The following COL4A2 variants were observed in gnomAD, a reference collection of about 807,000 sequenced individuals.
COL4A2 encodes collagen type IV alpha 2 chain, also known as collagen alpha-2(IV) chain.
In COL4A2, 99 loss-of-function variants were observed where a neutral mutation model predicts 200.2. The observed-to-expected ratio is 0.49, with a 90% CI of 0.42 to 0.58. The LOEUF (loss-of-function observed/expected upper bound fraction) is 0.58. COL4A2 is among the 20% of genes least tolerant of loss of function. The pLI is 0.00. For missense variants in COL4A2, 1,950 were observed against 2,314.1 expected, an observed-to-expected ratio of 0.84 and a Z score of 3.23; for synonymous variants, 897 against 900.6, an observed-to-expected ratio of 1.00 and a Z score of 0.07.
intron 34 of COL4A2, 79 bp from the exon 35 acceptor site, chr13:110,489,360 CTGGATA>C: frequency 7.6e-7 from 1 of 1,314,984 alleles, no homozygotes; most frequent in Non-Finnish European, 1.1e-6. Flanking sequence ...CGTTAGCATA[CTGGATA>C]GTTAAATAAG....
chr13:110,468,471 G>A (rs929907101), intron 27 of COL4A2: 5 of 376,268 alleles, frequency 1.3e-5, no homozygotes, highest in African/African-American at 6.3e-5. Flanking sequence ...GCCGGTCTCC[G>A]GGAAAGCTCC....
intron 4 of COL4A2, among the ~76,000 whole-genome samples, chr13:110,365,810 T>TA (rs1176459831): frequency 2.0e-5 from 3 of 152,224 alleles, no homozygotes; most frequent in African/African-American, 7.2e-5. Context: ...TGAAGGAATG[T>TA]AAAACTCCAT....
intron 3 of COL4A2, among the ~76,000 whole-genome samples, chr13:110,325,271 G>A (rs1360193841): frequency 2.0e-5 from 3 of 152,148 alleles, no homozygotes; most frequent in African/African-American, 7.2e-5. Flanking sequence ...GAGTTTACCC[G>A]AAGATTTTTT....
intron 4 of COL4A2, among the ~76,000 whole-genome samples, chr13:110,370,391 G>A (rs1877950991): frequency 6.6e-6 from 1 of 152,056 alleles, no homozygotes; most frequent in Non-Finnish European, 1.5e-5. Flanking sequence ...AGCCTCCCGA[G>A]TAGCTGGGAG....
At chr13:110,355,066 TGTGG>T (rs1566489378) in intron 3 of COL4A2, among the ~76,000 whole-genome samples, 1 of 152,236 alleles carries the variant, frequency 6.6e-6, no homozygotes, top group Non-Finnish European at 1.5e-5. Flanking sequence ...GTGAAAAGGC[TGTGG>T]TAAAATACAA....
chr13:110,314,743 C>T (rs1885087630), intron 3 of COL4A2, among the ~76,000 whole-genome samples: 1 of 152,178 alleles, frequency 6.6e-6, no homozygotes, highest in Admixed American at 6.5e-5. Flanking sequence ...ACGCGCTCAC[C>T]CCTAGGAACG....
intron 3 of COL4A2, among the ~76,000 whole-genome samples, chr13:110,329,678 AC>A (rs1480341879): frequency 5.3e-5 from 8 of 152,164 alleles, no homozygotes; most frequent in African/African-American, 1.9e-4. Flanking sequence ...TGGTGCTGGA[AC>A]CCTGACTTTC....
chr13:110,360,696 A>C (rs1487577645), intron 4 of COL4A2, among the ~76,000 whole-genome samples: 2 of 152,190 alleles, frequency 1.3e-5, no homozygotes, highest in African/African-American at 4.8e-5. Flanking sequence ...GCTGTCCTCT[A>C]GTTATCCAGA....
intron 4 of COL4A2, among the ~76,000 whole-genome samples, chr13:110,366,928 G>A (rs556894044): frequency 2.6e-4 from 39 of 152,324 alleles, no homozygotes; most frequent in South Asian, 1.4e-3. Flanking sequence ...TTGTGGTGTA[G>A]ACCACTGAAG....
chr13:110,420,422 G>A (rs533347678), intron 4 of COL4A2, among the ~76,000 whole-genome samples: 1 of 152,264 alleles, frequency 6.6e-6, no homozygotes, highest in Non-Finnish European at 1.5e-5. Flanking sequence ...GGAGCAGGGC[G>A]GGGGGCAGGG....
chr13:110,439,806 T>A lies in COL4A2; in HGVS notation c.930T>A (p.Ser310Arg), dbSNP rs200875510. 27 of 1,613,908 alleles carry A rather than the reference T, an allele frequency of 1.7e-5. No homozygotes were observed. Among genetic ancestry groups the A allele is most frequent in the Non-Finnish European group, 2.2e-5 (26 of 1,180,004 alleles). The change falls in exon 16 of 48, where the codon AGT (serine) becomes AGA (arginine). Residue 310 changes from serine to arginine, a missense_variant. This residue lies in a region of COL4A2 where 565 missense variants were observed against 593.5 expected (regional missense o/e 0.95). Coordinates refer to ENST00000360467, the MANE Select transcript of COL4A2 (RefSeq NM_001846.4). ...FPGLRGYPGL[S>R]GEKGSPGQKG... is the part of the protein sequence containing the mutation. The stretch of plus-strand genomic sequence containing the variant: ...CATTCCAGGGTTACCCTGGCTTGAG[T>A]GGTGAAAAAGGATCACCAGGACAGA...
At chr13:110,404,745 C>T (rs978755104) in intron 4 of COL4A2, among the ~76,000 whole-genome samples, 1 of 152,244 alleles carries the variant, frequency 6.6e-6, no homozygotes, top group Non-Finnish European at 1.5e-5. Flanking sequence ...GAGCCACAGA[C>T]AGTTCTCCCA....
At position 110,482,667 on chromosome 13, in the gene COL4A2, C is replaced by A; in HGVS notation, c.2902+8C>A. The A allele has an allele frequency of 6.2e-7, 1 of 1,612,828 alleles. No individual in the cohort carries two copies. The highest frequency in any genetic ancestry group is 8.5e-7 in the Non-Finnish European group (1 of 1,179,078). On this transcript the variant is annotated splice_region_variant and intron_variant, in intron 32 of 47. Coordinates refer to ENST00000360467, the MANE Select transcript of COL4A2 (RefSeq NM_001846.4). Reference sequence around the variant, plus strand: ...GTGAGCCAGGTTTTAAAGGTATGTCCCTCTCTTAACATCCTCCTTACCTGG... The same window carrying A: ...GTGAGCCAGGTTTTAAAGGTATGTCACTCTCTTAACATCCTCCTTACCTGG...
chr13:110,492,287 G>A, intron 38 of COL4A2, 110 bp downstream of exon 38: 2 of 928,822 alleles, frequency 2.2e-6, no homozygotes, highest in Non-Finnish European at 3.3e-6. Flanking sequence ...GCCCATACGA[G>A]AGCAAAGGCA....
At chr13:110,377,163 C>T (rs1878272257) in intron 4 of COL4A2, among the ~76,000 whole-genome samples, 1 of 152,104 alleles carries the variant, frequency 6.6e-6, no homozygotes, top group Non-Finnish European at 1.5e-5. Flanking sequence ...TTGCTTATAC[C>T]ACCATGCCAG....
intron 33 of COL4A2, 55 bp downstream of exon 33, chr13:110,485,082 A>G (rs1307089069): frequency 1.4e-6 from 2 of 1,466,856 alleles, no homozygotes; most frequent in Non-Finnish European, 1.8e-6. Context: ...CCCAGCCCGC[A>G]CCAGCTCGTG....
intron 3 of COL4A2, among the ~76,000 whole-genome samples, chr13:110,345,476 T>A (rs1483914916): frequency 6.6e-6 from 1 of 152,126 alleles, no homozygotes; most frequent in Non-Finnish European, 1.5e-5. Flanking sequence ...GGACAGCAGA[T>A]GCTGGCTTCA....
intron 17 of COL4A2, among the ~76,000 whole-genome samples, chr13:110,446,141 C>A (rs1181670489): frequency 6.6e-6 from 1 of 152,172 alleles, no homozygotes; most frequent in African/African-American, 2.4e-5. Flanking sequence ...AGCCAGCAGC[C>A]CTGGGGAAGG....
chr13:110,464,501 C>A (rs1882154841), intron 24 of COL4A2, among the ~76,000 whole-genome samples: 1 of 152,192 alleles, frequency 6.6e-6, no homozygotes, highest in Non-Finnish European at 1.5e-5. Context: ...GTGATCTCTG[C>A]AACAGCCTTG....
Sources: gnomAD v4.1 joint callset for allele counts (sites outside exome capture counted in the v4.1 genomes callset) on GRCh38, gnomAD v4.1.1 for gene constraint, gnomAD v4.1.1 regional missense constraint, MANE v1.5 for transcripts, NCBI Gene and HGNC (gene_info 2026-07-23, HGNC 2026-07-21) for gene names.